The following NLGN1 variants were observed in gnomAD, a reference collection of about 807,000 sequenced individuals.
NLGN1 encodes the protein neuroligin-1.
In NLGN1, 12 loss-of-function variants were observed where a neutral mutation model predicts 65.5. The ratio of observed to expected loss-of-function variants is 0.18; its 90% CI spans 0.12 to 0.30. NLGN1 has a LOEUF of 0.30. Among genes scored for constraint, NLGN1 ranks in the 10% least tolerant of loss-of-function variants. The probability of loss-of-function intolerance (pLI) is 1.00; values close to 1 mark genes in which losing one functional copy is unlikely to be tolerated. For missense variants in NLGN1, 750 were observed against 1,007.1 expected (o/e 0.74, Z 3.46); for synonymous variants, 350 against 359.5 (o/e 0.97, Z 0.30).
chr3:173,623,974 T>C (rs1405320636), intron 3 of NLGN1, among the ~76,000 whole-genome samples: 8 of 152,100 alleles, frequency 5.3e-5, no homozygotes, highest in Admixed American at 5.2e-4. Flanking sequence ...GCCTTTTTTC[T>C]TTTTTCAAAT....
chr3:173,835,410 A>T (rs1723427999), intron 4 of NLGN1, among the ~76,000 whole-genome samples: 1 of 152,088 alleles, frequency 6.6e-6, no homozygotes, highest in Non-Finnish European at 1.5e-5. Flanking sequence ...TGGTGTGATC[A>T]TTGAAATTTG....
chr3:173,531,815 T>G (rs1006533948), intron 2 of NLGN1, among the ~76,000 whole-genome samples: 1 of 152,110 alleles, frequency 6.6e-6, no homozygotes, highest in Non-Finnish European at 1.5e-5. Flanking sequence ...TATTTGATCC[T>G]TTTCTAAGTC....
In NLGN1 at chr3:174,211,937, G is replaced by A. The variant is rs1429536724; in HGVS notation, c.647-63378G>A. Among the ~76,000 whole-genome samples, 5 of 152,344 alleles carry A rather than the reference G, an allele frequency of 3.3e-5. No individual in the cohort carries two copies. The East Asian group carries it at 9.7e-4, about 30-fold the overall frequency. ...AGTAGATCCCGCACTGGGGCTGCAGGTGGAGCTGCCTGCCAGTCCCGCGCC... is the reference window on the plus strand; with the variant it reads ...AGTAGATCCCGCACTGGGGCTGCAGATGGAGCTGCCTGCCAGTCCCGCGCC... On this transcript the variant is annotated intron_variant, in intron 4 of 6. Transcript: ENST00000457714.
intron 4 of NLGN1, among the ~76,000 whole-genome samples, chr3:174,024,836 T>A (rs1287055267): frequency 2.6e-5 from 4 of 152,232 alleles, no homozygotes; most frequent in Non-Finnish European, 5.9e-5. Context: ...TTGGCTCTAA[T>A]AGTGATGCCA....
chr3:174,165,173 T>C (rs1051137570), intron 4 of NLGN1, among the ~76,000 whole-genome samples: 7 of 151,980 alleles, frequency 4.6e-5, no homozygotes, highest in African/African-American at 1.7e-4. Context: ...CTTTTTCTTT[T>C]ATTATTTGAA....
chr3:173,682,588 C>CAA (rs755337219), intron 3 of NLGN1, among the ~76,000 whole-genome samples: 1,032 of 40,518 alleles, frequency 0.025, 45 homozygotes, highest in East Asian at 0.035. Context: ...GACACTGTCT[C>CAA]AAAAAAAAAA....
intron 4 of NLGN1, among the ~76,000 whole-genome samples, chr3:174,064,365 T>A (rs1217512511): frequency 2.6e-5 from 4 of 151,874 alleles, no homozygotes; most frequent in African/African-American, 9.7e-5. Context: ...AGGAAAATAA[T>A]TCGGAATATT....
intron 4 of NLGN1, among the ~76,000 whole-genome samples, chr3:174,093,193 C>T (rs898271618): frequency 2.0e-5 from 3 of 152,106 alleles, no homozygotes; most frequent in African/African-American, 7.2e-5. Flanking sequence ...CAACACGGAA[C>T]CTTATTTTCA....
chr3:173,929,211 G>T (rs960987214), intron 4 of NLGN1, among the ~76,000 whole-genome samples: 1 of 152,098 alleles, frequency 6.6e-6, no homozygotes, highest in Non-Finnish European at 1.5e-5. Context: ...GGAGCAAAGC[G>T]CTCCTTGCCT....
At chr3:173,455,762 A>G (rs547483717) in intron 2 of NLGN1, among the ~76,000 whole-genome samples, 44 of 152,122 alleles carry the variant, frequency 2.9e-4, no homozygotes, top group South Asian at 1.0e-3. Flanking sequence ...GTGTGTGTGT[A>G]TATATATATG....
intron 4 of NLGN1, among the ~76,000 whole-genome samples, chr3:174,188,087 C>A (rs746169065): frequency 2.0e-5 from 3 of 151,868 alleles, no homozygotes; most frequent in Non-Finnish European, 4.4e-5. Context: ...ACTGTTAATA[C>A]CTAAATGATG....
At chr3:173,616,265 C>T (rs998098141) in intron 3 of NLGN1, among the ~76,000 whole-genome samples, 1 of 151,882 alleles carries the variant, frequency 6.6e-6, no homozygotes, top group Admixed American at 6.6e-5. Context: ...TCTTTTTTTG[C>T]ATGGATATCA....
intron 4 of NLGN1, among the ~76,000 whole-genome samples, chr3:174,196,421 CTTAAG>C (rs1733428621): frequency 6.6e-6 from 1 of 152,072 alleles, no homozygotes; most frequent in Non-Finnish European, 1.5e-5. Flanking sequence ...TATTTGTAAA[CTTAAG>C]TTAAAATCTA....
At chr3:174,104,191 T>C (rs1201412792) in intron 4 of NLGN1, among the ~76,000 whole-genome samples, 1 of 152,122 alleles carries the variant, frequency 6.6e-6, no homozygotes, top group East Asian at 1.9e-4. Context: ...GTTACTTGTC[T>C]CTCTATCCAT....
intron 3 of NLGN1, among the ~76,000 whole-genome samples, chr3:173,645,247 T>G (rs1200467814): frequency 6.6e-6 from 1 of 152,220 alleles, no homozygotes; most frequent in Non-Finnish European, 1.5e-5. Flanking sequence ...GTAATGTTGA[T>G]GTACAAAAGC....
chr3:174,228,277 T>C (rs148430439), intron 4 of NLGN1, among the ~76,000 whole-genome samples: 6 of 152,222 alleles, frequency 3.9e-5, no homozygotes, highest in African/African-American at 1.4e-4. Context: ...TGAAAGAAAT[T>C]AAAATGATAC....
intron 2 of NLGN1, among the ~76,000 whole-genome samples, chr3:173,472,403 G>A (rs770470565): frequency 6.6e-6 from 1 of 152,042 alleles, no homozygotes; most frequent in Non-Finnish European, 1.5e-5. Context: ...CGTATAGAAA[G>A]TTTAAATGTG....
At chr3:173,531,394 A>G (rs563466409) in intron 2 of NLGN1, among the ~76,000 whole-genome samples, 153 of 152,240 alleles carry the variant, frequency 1.0e-3, no homozygotes, top group African/African-American at 2.7e-3. Flanking sequence ...ATTCTCTAGG[A>G]TGTTTAAAAG....
intron 3 of NLGN1, among the ~76,000 whole-genome samples, chr3:173,610,362 AC>A (rs1291428202): frequency 6.6e-5 from 10 of 151,922 alleles, no homozygotes; most frequent in Admixed American, 6.6e-5. Context: ...ATTTGAGGTG[AC>A]CCTTAGACAT....
Sources: gnomAD v4.1 joint callset for allele counts (sites outside exome capture counted in the v4.1 genomes callset) on GRCh38, gnomAD v4.1.1 for gene constraint, MANE v1.5 for transcripts, NCBI Gene and HGNC (gene_info 2026-07-23, HGNC 2026-07-21) for gene names.